The following WDR27 variants were observed in gnomAD, a reference collection of about 807,000 sequenced individuals.
WDR27 encodes WD repeat-containing protein 27.
Under a neutral mutation model 114.4 loss-of-function variants are expected in WDR27, and 100 were observed. That is an observed-to-expected ratio of 0.87 (90% CI 0.74 to 1.03). WDR27 has a LOEUF of 1.03. WDR27 is among the 50% of genes least tolerant of loss of function. The pLI, the probability that WDR27 is intolerant of heterozygous loss-of-function variation, is 0.00. For missense variants in WDR27, 1,129 were observed against 1,092.9 expected (o/e 1.03, Z -0.47); for synonymous variants, 449 against 423.1 (o/e 1.06, Z -0.75).
chr6:169,665,419 A>C (rs1827560903), intron 7 of WDR27, 67 bp downstream of exon 7: 1 of 1,557,072 alleles, frequency 6.4e-7, no homozygotes, highest in Non-Finnish European at 8.7e-7. Context: ...GAAGACAAAG[A>C]CCTTTGTGTA....
intron 25 of WDR27, among the ~76,000 whole-genome samples, chr6:169,549,234 A>G (rs919082464): frequency 1.3e-5 from 2 of 152,262 alleles, no homozygotes; most frequent in Admixed American, 6.5e-5. Flanking sequence ...CAGATGCCTC[A>G]CCAAAGAGGG....
rs150799935 is a variant in WDR27, at chr6:169,645,293, G to A, written c.1658-1507C>T. 5.0e-4 allele frequency among the ~76,000 whole-genome samples: 75 copies of A among 150,500 alleles called. No individual in the cohort carries two copies. The East Asian group carries it at 9.6e-3, about 19-fold the overall frequency. On this transcript the variant is annotated intron_variant, in intron 16 of 25. Coordinates refer to ENST00000448612, the MANE Select transcript of WDR27 (RefSeq NM_182552.5). Reference sequence around the variant, plus strand: ...TCACTGTAGAAAAGCCTAGTTCACCGGGTCATACTGTAGAAAATCCTAGTT... The same window carrying A: ...TCACTGTAGAAAAGCCTAGTTCACCAGGTCATACTGTAGAAAATCCTAGTT...
At chr6:169,521,430 T>C (rs888844232) in intron 25 of WDR27, among the ~76,000 whole-genome samples, 7 of 152,008 alleles carry the variant, frequency 4.6e-5, no homozygotes, top group African/African-American at 1.7e-4. Flanking sequence ...TAAAAAACAC[T>C]TAACATGCAA....
chr6:169,586,678 G>A (rs13196619), intron 23 of WDR27, among the ~76,000 whole-genome samples: 68,377 of 151,400 alleles, frequency 0.45, 19,508 homozygotes, highest in Non-Finnish European at 0.64. Flanking sequence ...GTGAAACCCC[G>A]TCTCTACTAA....
At chr6:169,535,669 T>C (rs565921995) in intron 25 of WDR27, among the ~76,000 whole-genome samples, 2 of 152,262 alleles carry the variant, frequency 1.3e-5, no homozygotes, top group East Asian at 3.9e-4. Context: ...AACTTAACCA[T>C]GTGCATCTGC....
intron 25 of WDR27, among the ~76,000 whole-genome samples, chr6:169,483,389 C>A (rs1002836834): frequency 2.0e-5 from 3 of 152,170 alleles, no homozygotes; most frequent in Admixed American, 1.3e-4. Flanking sequence ...CTATGAATAC[C>A]TCTATGCATA....
At chr6:169,634,390 G>C (rs1219115628) in intron 20 of WDR27, 38 bp downstream of exon 20, 3 of 1,483,870 alleles carry the variant, frequency 2.0e-6, no homozygotes, top group Non-Finnish European at 2.8e-6. Flanking sequence ...ACAACACTCA[G>C]GGCGTAAAAC....
At chr6:169,490,561 C>T (rs781070853) in intron 25 of WDR27, among the ~76,000 whole-genome samples, 52 of 152,126 alleles carry the variant, frequency 3.4e-4, no homozygotes, top group Admixed American at 7.2e-4. Context: ...ATATCAGTTG[C>T]GGGTGGGGGC....
intron 21 of WDR27, among the ~76,000 whole-genome samples, chr6:169,617,200 GC>G (rs761302454): frequency 1.2e-4 from 19 of 152,144 alleles, no homozygotes; most frequent in Non-Finnish European, 1.9e-4. Context: ...AAGGAGAGCA[GC>G]CCTCTCTCTC....
At chr6:169,597,937 G>A (rs1306335188) in intron 23 of WDR27, among the ~76,000 whole-genome samples, 4 of 146,782 alleles carry the variant, frequency 2.7e-5, no homozygotes, top group African/African-American at 1.0e-4. Flanking sequence ...CCTCTGTATG[G>A]CCTTTGCCTG....
chr6:169,637,763 G>C (rs1026203805), intron 18 of WDR27, among the ~76,000 whole-genome samples: 1 of 151,842 alleles, frequency 6.6e-6, no homozygotes, highest in Non-Finnish European at 1.5e-5. Flanking sequence ...GTGTGCGTAT[G>C]TGTATGCATC....
the WDR27 span, among the ~76,000 whole-genome samples, chr6:169,447,022 A>C: frequency 6.6e-6 from 1 of 152,252 alleles, no homozygotes; most frequent in East Asian, 1.9e-4. Context: ...TGAAAAACGT[A>C]GTTGAAATTT....
the WDR27 span, among the ~76,000 whole-genome samples, chr6:169,427,599 T>G: frequency 1.3e-5 from 2 of 152,118 alleles, no homozygotes; most frequent in Admixed American, 6.5e-5. Flanking sequence ...CCCAGTAATG[T>G]CTGCTGTGTC....
At position 169,581,561 on chromosome 6, in the gene WDR27, G is replaced by A. The variant is rs749430211; in HGVS notation, c.2523+1275C>T. The stretch of plus-strand genomic sequence containing the variant: ...AGAGTGAAGCATCATCAGGACGTAT[G>A]TCGCAGTATTATTTATAATAGGGAA... On this transcript the variant is annotated intron_variant, in intron 24 of 25. Coordinates refer to ENST00000448612, the MANE Select transcript of WDR27 (RefSeq NM_182552.5). 5.9e-5 allele frequency among the ~76,000 whole-genome samples: 9 copies of A among 152,244 alleles called. No individual in the cohort carries two copies. In the East Asian group the frequency reaches 1.2e-3, roughly 20 times the overall value.
chr6:169,513,266 T>A (rs775521931), intron 25 of WDR27, among the ~76,000 whole-genome samples: 1 of 152,274 alleles, frequency 6.6e-6, no homozygotes, highest in Non-Finnish European at 1.5e-5. Flanking sequence ...AGAGAGAATG[T>A]TCTGGCAAAC....
At chr6:169,511,885 T>C (rs1164360832) in intron 25 of WDR27, among the ~76,000 whole-genome samples, 3 of 152,134 alleles carry the variant, frequency 2.0e-5, no homozygotes, top group East Asian at 1.9e-4. Flanking sequence ...TCCATGGCCA[T>C]TGGTTTACTG....
the WDR27 span, among the ~76,000 whole-genome samples, chr6:169,438,163 C>T: frequency 1.1e-4 from 16 of 151,910 alleles, no homozygotes; most frequent in East Asian, 1.7e-3. Context: ...TAAGTGAGAT[C>T]GTGGCTTTTC....
intron 25 of WDR27, among the ~76,000 whole-genome samples, chr6:169,504,643 C>T (rs1435462440): frequency 6.6e-6 from 1 of 152,176 alleles, no homozygotes; most frequent in East Asian, 1.9e-4. Flanking sequence ...GGGTCTCACT[C>T]TGTTGCCCAG....
At chr6:169,537,742 G>A (rs1236454621) in intron 25 of WDR27, among the ~76,000 whole-genome samples, 2 of 152,178 alleles carry the variant, frequency 1.3e-5, no homozygotes, top group East Asian at 3.9e-4. Flanking sequence ...GGCTGTGGGT[G>A]TAGAAGAGGC....
Sources: gnomAD v4.1 joint callset for allele counts (sites outside exome capture counted in the v4.1 genomes callset) on GRCh38, gnomAD v4.1.1 for gene constraint, MANE v1.5 for transcripts, NCBI Gene and HGNC (gene_info 2026-07-23, HGNC 2026-07-21) for gene names.